The following XKR6 variants were observed in gnomAD, a reference collection of about 807,000 sequenced individuals.
XKR6 encodes XK-related protein 6.
XKR6 carries 22 observed loss-of-function variants against 56.7 expected under a neutral mutation model. The observed-to-expected ratio is 0.39, with a 90% CI of 0.28 to 0.55. The LOEUF is 0.55. Ranked by LOEUF, XKR6 falls within the 20% of genes least tolerant of loss-of-function variation. XKR6 has a pLI of 0.66. For synonymous variants in XKR6, 524 were observed against 387.8 expected (o/e 1.35, Z -4.13); for missense variants, 852 against 889.0 (o/e 0.96, Z 0.53).
intron 1 of XKR6, among the ~76,000 whole-genome samples, chr8:10,937,614 C>T (rs2129122290): frequency 6.7e-6 from 1 of 150,250 alleles, no homozygotes; most frequent in South Asian, 2.1e-4. Context: ...AGTTTTCCTT[C>T]TAACAGACAG....
intron 1 of XKR6, chr8:11,195,087 T>A (rs537200872): frequency 1.0e-5 from 7 of 702,362 alleles, no homozygotes. Flanking sequence ...TTTAACCCAC[T>A]TACCCTCACA....
chr8:11,148,078 C>A (rs779457285), intron 1 of XKR6, among the ~76,000 whole-genome samples: 3 of 152,082 alleles, frequency 2.0e-5, no homozygotes, highest in Non-Finnish European at 4.4e-5. Flanking sequence ...GGCGTGGTGG[C>A]ATGCACCTGT....
At chr8:11,068,303 T>A (rs1487306684) in intron 1 of XKR6, among the ~76,000 whole-genome samples, 1 of 151,810 alleles carries the variant, frequency 6.6e-6, no homozygotes, top group Non-Finnish European at 1.5e-5. Flanking sequence ...TCTTGATGAC[T>A]GAGTAAGGGC....
intron 1 of XKR6, among the ~76,000 whole-genome samples, chr8:10,992,571 C>T (rs1243302751): frequency 1.3e-5 from 2 of 152,204 alleles, no homozygotes; most frequent in African/African-American, 4.8e-5. Context: ...GACAGATCCG[C>T]TTGTTAAAGG....
intron 1 of XKR6, among the ~76,000 whole-genome samples, chr8:11,101,012 G>A (rs920185782): frequency 6.6e-6 from 1 of 152,178 alleles, no homozygotes; most frequent in Admixed American, 6.5e-5. Context: ...CCACCCTGCA[G>A]TGGTACCACG....
intron 1 of XKR6, among the ~76,000 whole-genome samples, chr8:11,055,205 GA>G (rs1171791533): frequency 6.6e-6 from 1 of 152,132 alleles, no homozygotes; most frequent in African/African-American, 2.4e-5. Context: ...TGACAACAAA[GA>G]AAGTAGAGAT....
At chr8:10,988,710 G>C (rs1213450444) in intron 1 of XKR6, among the ~76,000 whole-genome samples, 1 of 152,148 alleles carries the variant, frequency 6.6e-6, no homozygotes, top group Non-Finnish European at 1.5e-5. Context: ...CACAGAAATC[G>C]GCACCAACTT....
intron 1 of XKR6, among the ~76,000 whole-genome samples, chr8:10,985,360 C>T (rs758998561): frequency 5.9e-4 from 89 of 152,124 alleles, no homozygotes; most frequent in Non-Finnish European, 1.0e-3. Flanking sequence ...CCATGTAAGA[C>T]ACCCCTTTGC....
intron 1 of XKR6, among the ~76,000 whole-genome samples, chr8:10,937,335 CT>C (rs1801234718): frequency 6.8e-6 from 1 of 147,418 alleles, no homozygotes; most frequent in African/African-American, 2.5e-5. Context: ...ACTTCTTTGC[CT>C]TTGGTTTGAA....
chr8:10,940,150 G>T (rs1222091606), intron 1 of XKR6, among the ~76,000 whole-genome samples: 1 of 152,172 alleles, frequency 6.6e-6, no homozygotes, highest in African/African-American at 2.4e-5. Context: ...GTGTGCCCTG[G>T]ACCCACATTA....
chr8:10,965,119 C>G (rs1195077236), intron 1 of XKR6, among the ~76,000 whole-genome samples: 3 of 152,268 alleles, frequency 2.0e-5, no homozygotes, highest in Admixed American at 6.5e-5. Context: ...GCCCCAGAAC[C>G]TGAACACCAG....
chr8:11,178,066 G>A (rs1563197303), intron 1 of XKR6, among the ~76,000 whole-genome samples: 1 of 152,128 alleles, frequency 6.6e-6, no homozygotes, highest in African/African-American at 2.4e-5. Context: ...AGAGTGCAGG[G>A]CCTAGTGACC....
chr8:11,069,495 G>A (rs936980852), intron 1 of XKR6, among the ~76,000 whole-genome samples: 1 of 152,152 alleles, frequency 6.6e-6, no homozygotes, highest in African/African-American at 2.4e-5. Context: ...TGTGCCCCCT[G>A]TCTGCTCTCC....
chr8:11,142,935 G>A (rs1226917490), intron 1 of XKR6, among the ~76,000 whole-genome samples: 7 of 152,106 alleles, frequency 4.6e-5, no homozygotes, highest in Admixed American at 4.6e-4. Flanking sequence ...AAATGAACTG[G>A]TCACGTTCTA....
chr8:11,199,849 A>G (rs1001681722), intron 1 of XKR6, among the ~76,000 whole-genome samples: 1 of 152,200 alleles, frequency 6.6e-6, no homozygotes, highest in African/African-American at 2.4e-5. Context: ...TCCCCAGAAT[A>G]GGTATCCAGG....
rs73533574 is a variant in XKR6 at position 10,909,740 on chromosome 8, T to C, written c.962-10824A>G. Among the ~76,000 whole-genome samples the C allele has an allele frequency of 2.1e-3, 323 of 152,286 alleles. 1 individual carries two copies. The highest frequency in any genetic ancestry group is 7.4e-3 in the African/African-American group (306 of 41,554). On this transcript the variant is annotated intron_variant, in intron 2 of 2. Transcript: ENST00000416569. Reference sequence around the variant, plus strand: ...GTCATTTAGGAAGAAAACCTTGGGGTTAAACACAGGGAAGAAAAGGAATTC... The same window carrying C: ...GTCATTTAGGAAGAAAACCTTGGGGCTAAACACAGGGAAGAAAAGGAATTC...
intron 1 of XKR6, among the ~76,000 whole-genome samples, chr8:11,000,837 C>T (rs181546199): frequency 2.0e-5 from 3 of 152,216 alleles, no homozygotes; most frequent in African/African-American, 7.2e-5. Flanking sequence ...AGATGCATAG[C>T]CGGGAAAGGA....
chr8:11,059,881 A>G lies in XKR6; in HGVS notation c.765-135051T>C, dbSNP rs866250145. Among the ~76,000 whole-genome samples, 16 of 152,262 alleles carry G rather than the reference A, an allele frequency of 1.1e-4. 1 individual carries two copies. The highest frequency in any genetic ancestry group is 3.4e-4 in the African/African-American group (14 of 41,558). On this transcript the variant is annotated intron_variant, in intron 1 of 2. Transcript: ENST00000416569. ...TGGCGCGCAGGGTGGCACCTAAAAA[A>G]CAACGCTCCTGCAGTGTCCCTGAAG...
At chr8:10,989,083 GA>G (rs1160627363) in intron 1 of XKR6, among the ~76,000 whole-genome samples, 1 of 152,250 alleles carries the variant, frequency 6.6e-6, no homozygotes, top group Non-Finnish European at 1.5e-5. Flanking sequence ...TAGGGGCCAA[GA>G]AGGAGACAGT....
Sources: allele counts gnomAD v4.1 joint callset (sites outside exome capture counted in the v4.1 genomes callset), GRCh38; gene constraint gnomAD v4.1.1; transcripts MANE v1.5; gene names NCBI Gene and HGNC (gene_info 2026-07-23, HGNC 2026-07-21).